The following PRKAG2 variants were observed in gnomAD, a reference collection of about 807,000 sequenced individuals.
PRKAG2 encodes the protein 5'-AMP-activated protein kinase subunit gamma-2.
A neutral mutation model predicts 69.6 loss-of-function variants in PRKAG2; 26 were observed. That is an observed-to-expected ratio of 0.37 (90% confidence interval 0.27 to 0.52). The LOEUF (loss-of-function observed/expected upper bound fraction) is 0.52. PRKAG2 is among the 20% of genes least tolerant of loss of function. PRKAG2 has a pLI of 0.90. For synonymous variants in PRKAG2, 293 were observed against 285.0 expected (o/e 1.03, Z -0.28); for missense variants, 557 against 740.0 (o/e 0.75, Z 2.87).
chr7:151,726,410 A>ACG (rs1278176989), intron 3 of PRKAG2, among the ~76,000 whole-genome samples: 1 of 134,822 alleles, frequency 7.4e-6, no homozygotes, highest in Non-Finnish European at 1.6e-5. Context: ...ACGCACACAC[A>ACG]CACAGAGCTG....
At chr7:151,636,004 A>G (rs1825675263) in intron 4 of PRKAG2, among the ~76,000 whole-genome samples, 1 of 150,834 alleles carries the variant, frequency 6.6e-6, no homozygotes, top group Admixed American at 6.6e-5. Flanking sequence ...AGTAGCTAGG[A>G]CTACAGGCTA....
intron 3 of PRKAG2, among the ~76,000 whole-genome samples, chr7:151,687,869 G>C (rs1834969129): frequency 6.6e-6 from 1 of 152,250 alleles, no homozygotes; most frequent in South Asian, 2.1e-4. Context: ...GGGTGCCTCA[G>C]GTCAGAGGTG....
chr7:151,590,688 T>C (rs1265782906), intron 6 of PRKAG2, among the ~76,000 whole-genome samples: 7 of 152,222 alleles, frequency 4.6e-5, no homozygotes, highest in Non-Finnish European at 1.0e-4. Context: ...GGTTTCCGCA[T>C]GCTGCAGGGG....
intron 5 of PRKAG2, among the ~76,000 whole-genome samples, chr7:151,623,471 T>C (rs1822048010): frequency 6.6e-6 from 1 of 150,608 alleles, no homozygotes; most frequent in Non-Finnish European, 1.5e-5. Context: ...AATCTAATGC[T>C]GCTGTTGATC....
At chr7:151,572,454 C>T (rs942855588) in intron 9 of PRKAG2, 2 of 438,596 alleles carry the variant, frequency 4.6e-6, no homozygotes, top group Non-Finnish European at 4.2e-6. Flanking sequence ...TGAAGGTGTC[C>T]TATACATGTC....
At chr7:151,766,885 T>C (rs148659355) in intron 3 of PRKAG2, among the ~76,000 whole-genome samples, 1,739 of 152,338 alleles carry the variant, frequency 0.011, 38 homozygotes, top group African/African-American at 0.039. Flanking sequence ...CATTCCTTGA[T>C]AGTCCTATGT....
rs919248875 is a variant in PRKAG2, at chr7:151,811,789, G to A, written c.115-25248C>T. The stretch of plus-strand genomic sequence containing the variant: ...AGGTCCAACCTAGGTTTCCTGCTAC[G>A]TCACCAGCCCCCAACAAGAGCTAAA... On this transcript the variant is annotated intron_variant, in intron 1 of 15. Coordinates refer to ENST00000287878, the MANE Select transcript of PRKAG2 (RefSeq NM_016203.4). Among the ~76,000 whole-genome samples the A allele has an allele frequency of 3.3e-5, 5 of 152,216 alleles. No homozygotes were observed. In the South Asian group the frequency reaches 6.2e-4, roughly 19 times the overall value.
chr7:151,837,478 C>A (rs1025900583), intron 1 of PRKAG2: 1 of 152,198 alleles, frequency 6.6e-6, no homozygotes, highest in Non-Finnish European at 1.5e-5. Context: ...CGTCGGCGCT[C>A]GCAGGGCGTT....
intron 4 of PRKAG2, among the ~76,000 whole-genome samples, chr7:151,655,336 T>A (rs1563354864): frequency 6.6e-6 from 1 of 152,190 alleles, no homozygotes; most frequent in Non-Finnish European, 1.5e-5. Context: ...CTCCTAAGAA[T>A]CGTGAGCCCT....
At chr7:151,615,514 C>T (rs996108542) in intron 5 of PRKAG2, among the ~76,000 whole-genome samples, 5 of 152,248 alleles carry the variant, frequency 3.3e-5, no homozygotes, top group East Asian at 1.9e-4. Context: ...GCACAGATTT[C>T]GTGATGAAGA....
chr7:151,608,429 C>A (rs559788385), intron 5 of PRKAG2, among the ~76,000 whole-genome samples: 2 of 152,280 alleles, frequency 1.3e-5, no homozygotes, highest in Admixed American at 6.5e-5. Flanking sequence ...TCGTGAGTCA[C>A]ACACACCTTG....
chr7:151,869,627 G>A (rs932895851), intron 1 of PRKAG2, among the ~76,000 whole-genome samples: 2 of 152,234 alleles, frequency 1.3e-5, no homozygotes, highest in Non-Finnish European at 2.9e-5. Context: ...CCTCTGTGTG[G>A]TAGAGTCTTT....
At chr7:151,795,889 A>ATC (rs1316129732) in intron 1 of PRKAG2, among the ~76,000 whole-genome samples, 1 of 105,206 alleles carries the variant, frequency 9.5e-6, no homozygotes, top group Admixed American at 1.2e-4. Flanking sequence ...ATATATATAT[A>ATC]TCACGATAAT....
intron 5 of PRKAG2, among the ~76,000 whole-genome samples, chr7:151,606,521 T>C (rs1817595544): frequency 6.6e-6 from 1 of 152,108 alleles, no homozygotes; most frequent in Admixed American, 6.5e-5. Context: ...GTTTAAAATA[T>C]ATTATCAAAA....
At chr7:151,597,283 A>T (rs1246340580) in intron 5 of PRKAG2, among the ~76,000 whole-genome samples, 1 of 152,244 alleles carries the variant, frequency 6.6e-6, no homozygotes, top group Non-Finnish European at 1.5e-5. Context: ...TGGAAAATAG[A>T]TTAGAGACTG....
chr7:151,737,835 A>G, intron 3 of PRKAG2, among the ~76,000 whole-genome samples: 1 of 152,162 alleles, frequency 6.6e-6, no homozygotes, highest in Non-Finnish European at 1.5e-5. Flanking sequence ...CTTCCATTCT[A>G]TCCCCATGAG....
At chr7:151,618,136 A>G (rs1820608802) in intron 5 of PRKAG2, among the ~76,000 whole-genome samples, 2 of 152,144 alleles carry the variant, frequency 1.3e-5, no homozygotes, top group Admixed American at 1.3e-4. Flanking sequence ...AGCCTAGGCA[A>G]CACAGTAAAA....
chr7:151,681,836 T>C (rs1381106691), intron 3 of PRKAG2, among the ~76,000 whole-genome samples: 1 of 152,016 alleles, frequency 6.6e-6, no homozygotes, highest in African/African-American at 2.4e-5. Flanking sequence ...AATTACATTT[T>C]AGCTGTATGA....
Position 151,807,587 on chromosome 7 carries a change from G to A in PRKAG2, c.115-21046C>T, listed in dbSNP as rs1299621967. On this transcript the variant is annotated intron_variant, in intron 1 of 15. Transcript: ENST00000287878. This position sits in a 1 kb window ranked among gnomAD's most constrained non-coding sequence, Gnocchi z 4.4. ...AGCGTAGATGCACAGCTGCCACGGA[G>A]GTAGGAAGAATGATTCGTTTGCCAC... 1 of 457,854 alleles carries A rather than the reference G, an allele frequency of 2.2e-6. No individual in the cohort carries two copies. Among genetic ancestry groups the A allele is most frequent in the East Asian group, 7.0e-5 (1 of 14,382 alleles). The allele number at this position is 457,854 out of a possible 1,614,324, so 28.4% of individuals were successfully genotyped here.
Sources: gnomAD v4.1 joint callset for allele counts (sites outside exome capture counted in the v4.1 genomes callset) on GRCh38, gnomAD v4.1.1 for gene constraint, Gnocchi (gnomAD v3.1) non-coding constraint, MANE v1.5 for transcripts, NCBI Gene and HGNC (gene_info 2026-07-23, HGNC 2026-07-21) for gene names.